Variants in SOX30 observed in about 807,000 individuals in gnomAD.
SOX30 encodes the protein SRY-box transcription factor 30, also known as transcription factor SOX-30.
SOX30 carries 17 observed loss-of-function variants against 58.6 expected under a neutral mutation model. That is an observed-to-expected ratio of 0.29 (90% CI 0.20 to 0.44). The LOEUF is 0.44. SOX30 is among the 20% of genes least tolerant of loss of function. SOX30 has a pLI of 1.00. For synonymous variants in SOX30, 421 were observed against 400.2 expected (o/e 1.05, Z -0.62); for missense variants, 951 against 965.8 (o/e 0.98, Z 0.20).
chr5:157,639,490 G>C (rs190646955), intron 3 of SOX30, among the ~76,000 whole-genome samples: 1 of 152,192 alleles, frequency 6.6e-6, no homozygotes, highest in East Asian at 1.9e-4. Flanking sequence ...GTGAGAACAG[G>C]ACTTGCCACA....
At chr5:157,669,485 A>ATTT in intron 1 of SOX30, among the ~76,000 whole-genome samples, 1 of 113,120 alleles carries the variant, frequency 8.8e-6, no homozygotes, top group South Asian at 3.0e-4. Context: ...GCGCCCATCA[A>ATTT]TTTTATTTAT....
At chr5:157,633,209 G>A (rs992713584) in intron 4 of SOX30, among the ~76,000 whole-genome samples, 8 of 152,178 alleles carry the variant, frequency 5.3e-5, no homozygotes, top group Non-Finnish European at 2.9e-5. Context: ...TAAAACTCAA[G>A]TTTAGGGTTT....
upstream of SOX30, among the ~76,000 whole-genome samples, chr5:157,654,307 G>C (rs1016687851): frequency 6.6e-6 from 1 of 152,106 alleles, no homozygotes; most frequent in African/African-American, 2.4e-5. Flanking sequence ...AAACCATTCT[G>C]TGGTAACACA....
intron 1 of SOX30, 47 bp downstream of exon 1, chr5:157,651,065 C>CA: frequency 2.9e-6 from 4 of 1,377,274 alleles, no homozygotes; most frequent in Non-Finnish European, 3.9e-6. Flanking sequence ...CAGCTATGGG[C>CA]AACACAGACG....
At chr5:157,667,446 C>T (rs1032442702) in intron 2 of SOX30, among the ~76,000 whole-genome samples, 1 of 152,074 alleles carries the variant, frequency 6.6e-6, no homozygotes, top group African/African-American at 2.4e-5. Flanking sequence ...GTTTAAAAAC[C>T]TTGAGGCTGG....
At chr5:157,662,777 T>C (rs1759601241) in intron 2 of SOX30, among the ~76,000 whole-genome samples, 1 of 152,228 alleles carries the variant, frequency 6.6e-6, no homozygotes, top group Non-Finnish European at 1.5e-5. Context: ...ATTGATGGTC[T>C]TCTCTCTAAT....
At chr5:157,660,844 C>A (rs987138091) in intron 2 of SOX30, among the ~76,000 whole-genome samples, 1 of 152,104 alleles carries the variant, frequency 6.6e-6, no homozygotes. Context: ...TTAAAGCAAA[C>A]CCTAATGGTA....
intron 3 of SOX30, among the ~76,000 whole-genome samples, chr5:157,644,308 A>G (rs1339423840): frequency 1.3e-5 from 2 of 152,158 alleles, no homozygotes; most frequent in African/African-American, 4.8e-5. Flanking sequence ...ATGTCACCAG[A>G]AATAAGAGAT....
chr5:157,647,776 G>C (rs1281661377), intron 2 of SOX30, among the ~76,000 whole-genome samples: 1 of 151,472 alleles, frequency 6.6e-6, no homozygotes, highest in African/African-American at 2.4e-5. Flanking sequence ...AGCCAGGATG[G>C]TCTTGATCTC....
Position 157,626,319 on chromosome 5 carries a change from C to T in SOX30, c.*21G>A. 1 of 1,533,876 alleles carries T rather than the reference C, an allele frequency of 6.5e-7. No homozygotes were observed. The highest frequency in any genetic ancestry group is 8.8e-7 in the Non-Finnish European group (1 of 1,137,500). ...ATATATTTTAAGAAATGTTTATTTT[C>T]TGTGCATATTTGTTTTAAAATTATA... On this transcript the variant is annotated 3_prime_UTR_variant, in exon 5 of 5. Transcript: ENST00000265007.
Position 157,638,380 on chromosome 5 carries a change from C to T in SOX30, c.1730G>A (p.Ser577Asn), listed in dbSNP as rs754012135. ...EYSSVSPCPR[S>N]APIPQASPIP... ...GGGAGAAGCCTGGGGGATTGGAGCA[C>T]TTCTGGGACAAGGGGAAACGCTGGA... is the stretch of plus-strand genomic sequence containing the variant. Residue 577 changes from serine to asparagine, a missense_variant, in exon 4 of 5, where the codon AGT (serine) becomes AAT (asparagine). By Grantham distance (46) the Ser-to-Asn change is conservative. Around this residue, in one of 7 missense-constraint regions of SOX30, gnomAD observed 381 missense variants for 390.0 expected, o/e 0.98. Transcript: ENST00000265007. 7 of 1,613,736 alleles carry T rather than the reference C, an allele frequency of 4.3e-6. No homozygotes were observed. The highest frequency in any genetic ancestry group is 1.7e-5 in the Admixed American group (1 of 59,978).
intron 4 of SOX30, among the ~76,000 whole-genome samples, chr5:157,628,045 T>C (rs964840779): frequency 1.3e-5 from 2 of 151,174 alleles, no homozygotes; most frequent in South Asian, 2.1e-4. Flanking sequence ...CTGGGCACAG[T>C]AGTGCATGCC....
chr5:157,635,855 G>A (rs1198472837), intron 4 of SOX30, among the ~76,000 whole-genome samples: 3 of 152,080 alleles, frequency 2.0e-5, no homozygotes, highest in Non-Finnish European at 2.9e-5. Context: ...TTTTCCATAT[G>A]ATTCTCTGCT....
upstream of SOX30, among the ~76,000 whole-genome samples, chr5:157,657,126 G>C (rs1411553736): frequency 2.0e-5 from 3 of 152,100 alleles, no homozygotes; most frequent in Non-Finnish European, 4.4e-5. Flanking sequence ...GGCTTATTTG[G>C]TACAAAAACC....
exon 1 of SOX30, chr5:157,671,402 G>GACA: frequency 1.8e-6 from 1 of 559,962 alleles, no homozygotes; most frequent in South Asian, 2.4e-5. Flanking sequence ...GATGCCGAGG[G>GACA]ACAATATTAC....
intron 4 of SOX30, among the ~76,000 whole-genome samples, chr5:157,627,770 G>A (rs1218382672): frequency 4.6e-5 from 7 of 152,046 alleles, no homozygotes; most frequent in Admixed American, 2.0e-4. Flanking sequence ...CGAGGTGGGC[G>A]GATCACAAGG....
chr5:157,663,298 A>T (rs146756479), intron 2 of SOX30, among the ~76,000 whole-genome samples: 1 of 152,232 alleles, frequency 6.6e-6, no homozygotes, highest in Non-Finnish European at 1.5e-5. Flanking sequence ...CTGGTTCAAC[A>T]TATGCAAATC....
In SOX30 at chr5:157,626,851, T is replaced by G. The variant is rs918193392; in HGVS notation, c.1881-130A>C. ...TCCTTTCTGCAAACACTTCATGTAT[T>G]CCTCTGCTCTTTTCCCACTGCCCAG... On this transcript the variant is annotated intron_variant, in intron 4 of 4. Transcript: ENST00000265007. 5 of 974,948 alleles carry G rather than the reference T, an allele frequency of 5.1e-6. No individual in the cohort carries two copies. In the Admixed American group the frequency reaches 1.5e-4, roughly 28 times the overall value. 60.4% of individuals were successfully genotyped at this position (974,948 alleles called of 1,614,324 possible).
intron 4 of SOX30, among the ~76,000 whole-genome samples, chr5:157,635,099 C>T (rs796211947): frequency 6.6e-6 from 1 of 152,142 alleles, no homozygotes; most frequent in Non-Finnish European, 1.5e-5. Context: ...TCATCAGACA[C>T]ATACAGGTAG....
Sources: allele counts gnomAD v4.1 joint callset (sites outside exome capture counted in the v4.1 genomes callset), GRCh38; gene constraint gnomAD v4.1.1; regional missense constraint gnomAD v4.1.1; transcripts MANE v1.5; gene names NCBI Gene and HGNC (gene_info 2026-07-23, HGNC 2026-07-21).